DIP2A: variants seen among roughly 807,000 people sequenced by gnomAD.
The protein encoded by DIP2A is disco-interacting protein 2 homolog A.
Under a neutral mutation model 177.4 loss-of-function variants are expected in DIP2A, and 85 were observed. That is an observed-to-expected ratio of 0.48 (90% CI 0.40 to 0.57). The LOEUF is 0.57. Ranked by LOEUF, DIP2A falls within the 20% of genes least tolerant of loss-of-function variation. The pLI is 0.00. For missense variants in DIP2A, 1,791 were observed against 2,100.2 expected (o/e 0.85, Z 2.88); for synonymous variants, 886 against 881.8 (o/e 1.00, Z -0.08).
chr21:46,505,698 G>A (rs946560128), intron 6 of DIP2A, among the ~76,000 whole-genome samples: 1 of 152,156 alleles, frequency 6.6e-6, no homozygotes. Flanking sequence ...GTGTCCTTGT[G>A]TTCCTTGGTC....
chr21:46,536,254 C>T (rs967882166), intron 13 of DIP2A, among the ~76,000 whole-genome samples: 3 of 152,210 alleles, frequency 2.0e-5, no homozygotes, highest in Non-Finnish European at 4.4e-5. Flanking sequence ...CTGCCCACAG[C>T]CCCAGGCTCT....
At chr21:46,579,491 C>A in the DIP2A span, among the ~76,000 whole-genome samples, 1 of 152,030 alleles carries the variant, frequency 6.6e-6, no homozygotes, top group Non-Finnish European at 1.5e-5. Flanking sequence ...TTGTCTTCTG[C>A]TAGCTTTGGG....
intron 5 of DIP2A, among the ~76,000 whole-genome samples, chr21:46,501,932 A>T: frequency 6.6e-6 from 1 of 152,184 alleles, no homozygotes. Context: ...GTTGTGAAAA[A>T]TCTTAACGGT....
chr21:46,559,183 C>T (rs997383307), intron 32 of DIP2A: 3 of 151,644 alleles, frequency 2.0e-5, no homozygotes, highest in African/African-American at 7.3e-5. Flanking sequence ...TTTATTGCTT[C>T]CTCAGATAGC....
intron 8 of DIP2A, among the ~76,000 whole-genome samples, chr21:46,522,787 G>A (rs1231972896): frequency 6.6e-6 from 1 of 152,168 alleles, no homozygotes; most frequent in Admixed American, 6.5e-5. Flanking sequence ...GTTTCATGAG[G>A]AAAACAGAGG....
chr21:46,461,352 C>CAA (rs1199258720), intron 1 of DIP2A, among the ~76,000 whole-genome samples: 1 of 146,464 alleles, frequency 6.8e-6, no homozygotes, highest in African/African-American at 2.5e-5. Context: ...GGCAGTCTGA[C>CAA]AAACTTAAAT....
chr21:46,499,709 A>G lies in DIP2A; in HGVS notation c.655+876A>G, dbSNP rs1016658704. Among the ~76,000 whole-genome samples, 8 of 152,232 alleles carry G rather than the reference A, an allele frequency of 5.3e-5. No homozygotes were observed. In the South Asian group the frequency reaches 6.2e-4, roughly 12 times the overall value. On this transcript the variant is annotated intron_variant, in intron 5 of 37. Coordinates refer to ENST00000417564, the MANE Select transcript of DIP2A (RefSeq NM_015151.4). ...CTAAAACAGCAGCATAGTTAGCTGT[A>G]TGTAGCTGGCATGTGAAACCCACAT...
intron 35 of DIP2A, 137 bp downstream of exon 35, chr21:46,564,069 G>C: frequency 1.0e-6 from 1 of 956,640 alleles, no homozygotes; most frequent in Non-Finnish European, 1.5e-6. Context: ...CTTGCCCCGT[G>C]TACCTCCCAG....
Position 46,506,786 on chromosome 21 carries a change from C to A in DIP2A, c.784+2297C>A, listed in dbSNP as rs1311484775. On this transcript the variant is annotated intron_variant, in intron 6 of 37. Transcript: ENST00000417564. ...TTTCTTTCTTTCTTTTCTTTTCTTTCTTTTCTTTCTTTCTTCTCTTTTTTT... is the reference window on the plus strand; with the variant it reads ...TTTCTTTCTTTCTTTTCTTTTCTTTATTTTCTTTCTTTCTTCTCTTTTTTT... Among the ~76,000 whole-genome samples, 3 of 75,274 alleles carry A rather than the reference C, an allele frequency of 4.0e-5. No homozygotes were observed. In the Admixed American group the frequency reaches 4.6e-4, roughly 11 times the overall value. 49.4% of individuals were successfully genotyped at this position (75,274 alleles called of 152,430 possible). A position where few individuals can be genotyped will look rare whatever the true frequency, so the allele number is the denominator to read the frequency against.
intron 35 of DIP2A, among the ~76,000 whole-genome samples, chr21:46,565,232 G>A (rs762162732): frequency 7.2e-5 from 11 of 152,204 alleles, no homozygotes; most frequent in South Asian, 2.1e-4. Flanking sequence ...CACGGATAGC[G>A]GACGCACACA....
chr21:46,503,750 G>T (rs1044242016), intron 5 of DIP2A, among the ~76,000 whole-genome samples: 1 of 148,700 alleles, frequency 6.7e-6, no homozygotes, highest in South Asian at 2.1e-4. Context: ...TTTTGAGAGA[G>T]AGTGTCGCTC....
At chr21:46,501,840 G>A (rs2057668294) in intron 5 of DIP2A, among the ~76,000 whole-genome samples, 2 of 152,112 alleles carry the variant, frequency 1.3e-5, no homozygotes, top group African/African-American at 4.8e-5. Context: ...GAAGAGTGGG[G>A]AAATTTCTTT....
At chr21:46,554,359 CT>C in intron 26 of DIP2A, 67 bp downstream of exon 26, 4 of 1,588,086 alleles carry the variant, frequency 2.5e-6, no homozygotes, top group Non-Finnish European at 3.4e-6. Context: ...AAGCAGCCCC[CT>C]AGACACTCCC....
intron 9 of DIP2A, 49 bp from the exon 10 acceptor site, chr21:46,532,078 A>G: frequency 6.5e-7 from 1 of 1,529,576 alleles, no homozygotes; most frequent in Non-Finnish European, 8.9e-7. Flanking sequence ...TTAACTAGAT[A>G]TTGTAAAAAT....
Position 46,459,073 on chromosome 21 carries a change from C to G in DIP2A, c.-59C>G. 1 of 1,361,686 alleles carries G rather than the reference C, an allele frequency of 7.3e-7. No homozygotes were observed. The highest frequency in any genetic ancestry group is 1.5e-5 in the African/African-American group (1 of 65,144). The allele number at this position is 1,361,686 out of a possible 1,614,324, so 84.4% of individuals were successfully genotyped here. A position where few individuals can be genotyped will look rare whatever the true frequency, so the allele number is the denominator to read the frequency against. The stretch of plus-strand genomic sequence containing the variant: ...GGGAGCTACGTAGCCGAGGTTTGCG[C>G]TGCCGCCGCCAGGCCCGGTCCGGTT... On this transcript the variant is annotated 5_prime_UTR_variant, in exon 1 of 38. Coordinates refer to ENST00000417564, the MANE Select transcript of DIP2A (RefSeq NM_015151.4).
chr21:46,467,850 C>T (rs2054977572), intron 1 of DIP2A, among the ~76,000 whole-genome samples: 1 of 152,156 alleles, frequency 6.6e-6, no homozygotes, highest in South Asian at 2.1e-4. Context: ...CAGTGGCTCA[C>T]ACCTATAATC....
intron 13 of DIP2A, among the ~76,000 whole-genome samples, chr21:46,536,313 G>A (rs1316329145): frequency 6.6e-6 from 1 of 152,184 alleles, no homozygotes; most frequent in Non-Finnish European, 1.5e-5. Flanking sequence ...AGAAGACTTG[G>A]CCAGGGGCTC....
chr21:46,574,663 T>A (rs576454825), downstream of DIP2A, among the ~76,000 whole-genome samples: 1 of 152,034 alleles, frequency 6.6e-6, no homozygotes, highest in Non-Finnish European at 1.5e-5. Flanking sequence ...CATTAAAAAA[T>A]ACTATGCACA....
chr21:46,550,064 G>A, intron 22 of DIP2A, 179 bp downstream of exon 22: 2 of 1,401,976 alleles, frequency 1.4e-6, no homozygotes, highest in Admixed American at 3.0e-5. Flanking sequence ...GGGATACAAA[G>A]TGATGTTATA....
Sources: gnomAD v4.1 joint callset for allele counts (sites outside exome capture counted in the v4.1 genomes callset) on GRCh38, gnomAD v4.1.1 for gene constraint, MANE v1.5 for transcripts, NCBI Gene and HGNC (gene_info 2026-07-23, HGNC 2026-07-21) for gene names.